SORL1: variants seen among roughly 807,000 people sequenced by gnomAD.
SORL1 encodes sortilin related receptor 1.
SORL1 carries 127 observed loss-of-function variants against 273.7 expected under a neutral mutation model. The ratio of observed to expected loss-of-function variants is 0.46; its 90% confidence interval spans 0.40 to 0.54. The LOEUF (loss-of-function observed/expected upper bound fraction) is 0.54, where lower values mean the gene tolerates loss of function less well. Among genes scored for constraint, SORL1 ranks in the 20% least tolerant of loss-of-function variants. The pLI, the probability that SORL1 is intolerant of heterozygous loss-of-function variation, is 0.00. For synonymous variants in SORL1, 1,031 were observed against 1,067.4 expected (o/e 0.97, Z 0.66); for missense variants, 2,494 against 2,846.1 (o/e 0.88, Z 2.81).
At chr11:121,583,412 G>A in intron 25 of SORL1, 46 bp from the exon 26 acceptor site, 1 of 1,575,724 alleles carries the variant, frequency 6.3e-7, no homozygotes, top group Non-Finnish European at 8.6e-7. Context: ...GTTGGTGGGG[G>A]ATGGAGATGA....
intron 44 of SORL1, 90 bp downstream of exon 44, chr11:121,621,328 G>C (rs977501004): frequency 3.3e-6 from 4 of 1,219,150 alleles, no homozygotes; most frequent in Non-Finnish European, 3.5e-6. Context: ...TTCATTAGGC[G>C]TTTGTTTCAC....
intron 12 of SORL1, among the ~76,000 whole-genome samples, chr11:121,542,952 C>T (rs576056669): frequency 6.6e-6 from 1 of 150,432 alleles, no homozygotes; most frequent in Non-Finnish European, 1.5e-5. Context: ...CCGAGGCAGG[C>T]GGATCACGAG....
chr11:121,508,639 C>G (rs745318328), intron 6 of SORL1, among the ~76,000 whole-genome samples: 1 of 152,174 alleles, frequency 6.6e-6, no homozygotes, highest in Non-Finnish European at 1.5e-5. Context: ...TGCTGTTTTT[C>G]ACAGCTATTG....
chr11:121,511,934 C>T (rs967871441), intron 6 of SORL1, among the ~76,000 whole-genome samples: 3 of 152,186 alleles, frequency 2.0e-5, no homozygotes, highest in Non-Finnish European at 4.4e-5. Flanking sequence ...CTGGGAATCC[C>T]AACATCTCAA....
chr11:121,514,462 G>C, intron 8 of SORL1, 141 bp downstream of exon 8: 1 of 786,576 alleles, frequency 1.3e-6, no homozygotes, highest in South Asian at 1.9e-5. Context: ...TGGCTCACGT[G>C]CGCAGAGATC....
intron 45 of SORL1, among the ~76,000 whole-genome samples, chr11:121,623,033 A>G (rs1196677712): frequency 2.0e-5 from 3 of 152,240 alleles, no homozygotes; most frequent in African/African-American, 7.2e-5. Context: ...GAAAATTCTC[A>G]CCACACACTC....
intron 1 of SORL1, among the ~76,000 whole-genome samples, chr11:121,463,810 C>G (rs936025401): frequency 6.6e-6 from 1 of 152,184 alleles, no homozygotes; most frequent in African/African-American, 2.4e-5. Context: ...CTGAGGTGAG[C>G]AGTCCAGGGA....
chr11:121,537,798 A>G (rs1187931634), intron 12 of SORL1, among the ~76,000 whole-genome samples: 1 of 152,238 alleles, frequency 6.6e-6, no homozygotes. Context: ...GGGAGAGCCC[A>G]GATTCTCCTC....
chr11:121,466,694 C>T (rs1251243710), intron 1 of SORL1, among the ~76,000 whole-genome samples: 1 of 152,142 alleles, frequency 6.6e-6, no homozygotes, highest in Non-Finnish European at 1.5e-5. Context: ...ATTCCTGATT[C>T]CTGCAACTAG....
At chr11:121,605,005 A>G in intron 33 of SORL1, 108 bp from the exon 34 acceptor site, 7 of 830,516 alleles carry the variant, frequency 8.4e-6, no homozygotes, top group Non-Finnish European at 1.3e-5. Flanking sequence ...TCCTGAGCTC[A>G]GGCAATTTGC....
At chr11:121,501,651 A>G (rs1372734175) in intron 6 of SORL1, among the ~76,000 whole-genome samples, 2 of 152,238 alleles carry the variant, frequency 1.3e-5, no homozygotes, top group Non-Finnish European at 2.9e-5. Context: ...GAGTGTGTGC[A>G]GGGGAACTGC....
rs1863202201 is a variant in SORL1, at chr11:121,590,914, G to A, written c.4214-87G>A. ...CCTCAGCAGGTACAGCTAAAACTGG[G>A]ACATCCGCACTAGGTTTGGGACATA... On this transcript the variant is annotated intron_variant, in intron 30 of 47. Transcript: ENST00000260197. 8 of 1,470,638 alleles carry A rather than the reference G, an allele frequency of 5.4e-6. No individual in the cohort carries two copies. In the South Asian group the frequency reaches 9.1e-5, roughly 17 times the overall value. The allele number at this position is 1,470,638 out of a possible 1,614,324, so 91.1% of individuals were successfully genotyped here.
rs943251048 is a variant in SORL1, at chr11:121,627,478, G to T, written c.6365-77G>T. 39 of 1,206,154 alleles carry T rather than the reference G, an allele frequency of 3.2e-5. No homozygotes were observed. Among genetic ancestry groups the T allele is most frequent in the Non-Finnish European group, 4.6e-5 (38 of 821,400 alleles). 74.7% of individuals were successfully genotyped at this position (1,206,154 alleles called of 1,614,324 possible). A position where few individuals can be genotyped will look rare whatever the true frequency, so the allele number is the denominator to read the frequency against. ...GGCTATCGCCCAGCTTTTTTTGGTG[G>T]GTGGGGCCTTGAGGAGTCATCTGGT... On this transcript the variant is annotated intron_variant, in intron 46 of 47. Coordinates refer to ENST00000260197, the MANE Select transcript of SORL1 (RefSeq NM_003105.6). The surrounding 1 kb of genome is among the most constrained non-coding windows in gnomAD (Gnocchi z 4.9).
At chr11:121,492,214 A>G (rs1250596033) in intron 5 of SORL1, among the ~76,000 whole-genome samples, 1 of 152,148 alleles carries the variant, frequency 6.6e-6, no homozygotes, top group South Asian at 2.1e-4. Context: ...CACAAAAAGT[A>G]GCTGGGCATG....
intron 12 of SORL1, among the ~76,000 whole-genome samples, chr11:121,535,582 G>T (rs1286572162): frequency 2.0e-5 from 3 of 152,106 alleles, no homozygotes; most frequent in African/African-American, 7.2e-5. Flanking sequence ...TCATCTTTAG[G>T]GAGGGAAGCC....
chr11:121,522,858 A>G (rs1862061971), intron 10 of SORL1, 58 bp from the exon 11 acceptor site: 1 of 1,497,030 alleles, frequency 6.7e-7, no homozygotes, highest in Non-Finnish European at 9.3e-7. Flanking sequence ...CTGGCTGGGC[A>G]AGGTGATTAT....
intron 30 of SORL1, 80 bp downstream of exon 30, chr11:121,590,254 T>G: frequency 7.0e-7 from 1 of 1,426,860 alleles, no homozygotes. Flanking sequence ...AGGATGTGCC[T>G]GGCTGATTCC....
intron 25 of SORL1, among the ~76,000 whole-genome samples, chr11:121,581,150 T>C (rs973471977): frequency 6.6e-6 from 1 of 152,136 alleles, no homozygotes; most frequent in Non-Finnish European, 1.5e-5. Flanking sequence ...GATCTCAAAG[T>C]GATCCACCCT....
chr11:121,609,326 G>T (rs976800064), intron 38 of SORL1: 4 of 152,220 alleles, frequency 2.6e-5, no homozygotes, highest in African/African-American at 9.6e-5. Flanking sequence ...ATGGTCTTTG[G>T]AGCTGAATGC....
Sources: gnomAD v4.1 joint callset for allele counts (sites outside exome capture counted in the v4.1 genomes callset) on GRCh38, gnomAD v4.1.1 for gene constraint, Gnocchi (gnomAD v3.1) non-coding constraint, MANE v1.5 for transcripts, NCBI Gene and HGNC (gene_info 2026-07-23, HGNC 2026-07-21) for gene names.